GSDMC: variants seen among roughly 807,000 people sequenced by gnomAD.
GSDMC encodes gasdermin C, also known as gasdermin-C.
GSDMC carries 59 observed loss-of-function variants against 58.0 expected under a neutral mutation model. The observed-to-expected ratio is 1.02, with a 90% CI of 0.82 to 1.26. The LOEUF (loss-of-function observed/expected upper bound fraction) is 1.26. Ranked by LOEUF, GSDMC falls within the 50% of genes most tolerant of loss-of-function variation. GSDMC has a pLI of 0.00. For missense variants in GSDMC, 659 were observed against 598.5 expected (o/e 1.10, Z -1.06); for synonymous variants, 241 against 220.2 (o/e 1.09, Z -0.83).
Position 129,750,453 on chromosome 8 carries a change from G to A in GSDMC, c.1061C>T (p.Ala354Val), listed in dbSNP as rs1466364878. 6.2e-7 allele frequency: 1 copy of A among 1,614,000 alleles called. No individual in the cohort carries two copies. The highest frequency in any genetic ancestry group is 8.5e-7 in the Non-Finnish European group (1 of 1,179,916). Residue 354 changes from alanine (A) to valine (V), a missense_variant, in exon 11 of 14, where the codon GCT (alanine) becomes GTT (valine). Ala to Val is a moderately conservative substitution (Grantham distance 64, BLOSUM62 0). Coordinates refer to ENST00000276708, the MANE Select transcript of GSDMC (RefSeq NM_031415.3). ...CACCATGTTCATCAGGTCCTGTAGA[G>A]CCCCTCTGTCTCTGAGCATGGCCAG... ...SILAMLRDRG[A>V]LQDLMNMLEL...
chr8:129,786,439 C>G lies in GSDMC; in HGVS notation c.-433G>C, dbSNP rs2034557753. ...ACTCCAGGACCAGATCAATGTGATT[C>G]TGTTCACTGTTCTCTTCTCACCAAT... On this transcript the variant is annotated 5_prime_UTR_variant, in exon 1 of 14. Coordinates refer to ENST00000276708, the MANE Select transcript of GSDMC (RefSeq NM_031415.3). 6.6e-6 allele frequency: 1 copy of G among 152,176 alleles called. No individual in the cohort carries two copies. The highest frequency in any genetic ancestry group is 1.5e-5 in the Non-Finnish European group (1 of 68,048). The allele number at this position is 152,176 out of a possible 1,614,324, so 9.4% of individuals were successfully genotyped here.
At chr8:129,706,562 A>T in the GSDMC span, 1 of 152,190 alleles carries the variant, frequency 6.6e-6, no homozygotes, top group Admixed American at 6.5e-5. Flanking sequence ...TGCCATTTCC[A>T]GTCCAAAAAT....
chr8:129,754,354 C>T (rs1275145028), intron 6 of GSDMC, among the ~76,000 whole-genome samples: 1 of 152,224 alleles, frequency 6.6e-6, no homozygotes, highest in Admixed American at 6.5e-5. Flanking sequence ...ACAAGAGTCT[C>T]TGCCTGGAAA....
chr8:129,711,362 G>A, the GSDMC span, among the ~76,000 whole-genome samples: 1 of 152,164 alleles, frequency 6.6e-6, no homozygotes, highest in African/African-American at 2.4e-5. Flanking sequence ...GAAAACTGAA[G>A]GTGGAAGAGA....
the GSDMC span, among the ~76,000 whole-genome samples, chr8:129,726,695 C>T: frequency 2.0e-5 from 3 of 152,046 alleles, no homozygotes; most frequent in Non-Finnish European, 2.9e-5. Flanking sequence ...CCATACTGTG[C>T]GTGGACGATT....
the GSDMC span, among the ~76,000 whole-genome samples, chr8:129,742,687 T>C: frequency 1.3e-5 from 2 of 152,196 alleles, no homozygotes; most frequent in Non-Finnish European, 2.9e-5. Flanking sequence ...AAGACAGTAA[T>C]CTGGGGCAAT....
chr8:129,771,039 A>G (rs542547375), intron 3 of GSDMC, among the ~76,000 whole-genome samples: 7 of 149,824 alleles, frequency 4.7e-5, no homozygotes, highest in Admixed American at 3.3e-4. Context: ...GTATATGTAT[A>G]TATTTATATA....
At chr8:129,768,147 T>C (rs1388351107) in intron 3 of GSDMC, among the ~76,000 whole-genome samples, 2 of 152,128 alleles carry the variant, frequency 1.3e-5, no homozygotes, top group Non-Finnish European at 2.9e-5. Flanking sequence ...AGTGGCCGCA[T>C]CAACTAGAGA....
At chr8:129,753,244 C>G (rs2033288440) in intron 6 of GSDMC, among the ~76,000 whole-genome samples, 1 of 152,164 alleles carries the variant, frequency 6.6e-6, no homozygotes. Context: ...GTCTCATTCC[C>G]TTTGTTTAAG....
intron 2 of GSDMC, among the ~76,000 whole-genome samples, chr8:129,777,016 C>T (rs150358295): frequency 2.3e-4 from 35 of 152,056 alleles, no homozygotes; most frequent in Non-Finnish European, 4.3e-4. Flanking sequence ...GTGATCTGCC[C>T]GCCTCGGTCT....
rs373058778 is a variant in GSDMC at position 129,751,562 on chromosome 8, A to G, written c.923T>C (p.Ile308Thr). The change falls in exon 10 of 14, where the codon ATA (isoleucine) becomes ACA (threonine). Residue 308 changes from isoleucine (I) to threonine (T), a missense_variant. Coordinates refer to ENST00000276708, the MANE Select transcript of GSDMC (RefSeq NM_031415.3). ...CTTACTTTGCCAGAAGGGTTCCTCTATTCTTCCTAGAAGGAGAATCAAGTC... is the reference window on the plus strand; with the variant it reads ...CTTACTTTGCCAGAAGGGTTCCTCTGTTCTTCCTAGAAGGAGAATCAAGTC... ...EQVHILPVGR[I>T]EEPFWQNFKH... The G allele has an allele frequency of 4.7e-5, 75 of 1,611,530 alleles. No homozygotes were observed. The highest frequency in any genetic ancestry group is 8.9e-5 in the East Asian group (4 of 44,710).
At chr8:129,730,526 T>G in the GSDMC span, 1 of 472,882 alleles carries the variant, frequency 2.1e-6, no homozygotes, top group East Asian at 5.2e-5. Context: ...ATACCATTAT[T>G]CTCTTAAAAA....
At chr8:129,712,865 G>A in the GSDMC span, among the ~76,000 whole-genome samples, 1 of 152,200 alleles carries the variant, frequency 6.6e-6, no homozygotes, top group Admixed American at 6.5e-5. Flanking sequence ...TTGGCATGAG[G>A]TGAGACATAG....
chr8:129,782,420 T>C (rs1309860288), intron 1 of GSDMC, among the ~76,000 whole-genome samples: 6 of 151,738 alleles, frequency 4.0e-5, no homozygotes, highest in East Asian at 3.9e-4. Flanking sequence ...ATGAATGAAA[T>C]GAAAGTTGCT....
At chr8:129,757,491 C>T (rs2033486750) in intron 6 of GSDMC, among the ~76,000 whole-genome samples, 2 of 152,006 alleles carry the variant, frequency 1.3e-5, no homozygotes, top group South Asian at 4.2e-4. Flanking sequence ...AATATGAATA[C>T]TAGTCCTACT....
intron 1 of GSDMC, among the ~76,000 whole-genome samples, chr8:129,785,237 G>T (rs777116258): frequency 1.3e-5 from 2 of 152,024 alleles, no homozygotes; most frequent in Admixed American, 6.6e-5. Context: ...CCTGTCATTC[G>T]CAACAACATA....
the GSDMC span, among the ~76,000 whole-genome samples, chr8:129,732,078 G>A: frequency 0.011 from 1,677 of 152,198 alleles, 30 homozygotes; most frequent in African/African-American, 0.039. Context: ...CAAGAGGTGG[G>A]GCCTTTAAGA....
chr8:129,720,784 T>G, the GSDMC span, among the ~76,000 whole-genome samples: 94,439 of 152,076 alleles, frequency 0.62, 31,837 homozygotes, highest in African/African-American at 0.88. Context: ...TCACAACAAA[T>G]CTTAGTGGGA....
chr8:129,760,868 G>A (rs1359409916), intron 5 of GSDMC, among the ~76,000 whole-genome samples: 2 of 152,208 alleles, frequency 1.3e-5, no homozygotes, highest in Admixed American at 1.3e-4. Context: ...GCCTCTTGCT[G>A]CCCTTTTCTT....
Sources: allele counts gnomAD v4.1 joint callset (sites outside exome capture counted in the v4.1 genomes callset), GRCh38; gene constraint gnomAD v4.1.1; transcripts MANE v1.5; gene names NCBI Gene and HGNC (gene_info 2026-07-23, HGNC 2026-07-21).